Variants in EPN1 observed in about 807,000 individuals in gnomAD.
The protein encoded by EPN1 is epsin-1.
In EPN1, 25 loss-of-function variants were observed where a neutral mutation model predicts 56.9. The observed-to-expected ratio is 0.44, with a 90% confidence interval of 0.32 to 0.61. EPN1 has a LOEUF of 0.61. Among genes scored for constraint, EPN1 ranks in the 20% least tolerant of loss-of-function variants. The pLI is 0.05. For synonymous variants in EPN1, 411 were observed against 361.8 expected (o/e 1.14, Z -1.54); for missense variants, 785 against 823.7 (o/e 0.95, Z 0.58).
Position 55,685,471 on chromosome 19 carries a change from G to A in EPN1, c.304G>A (p.Ala102Thr), listed in dbSNP as rs1272985853. The change falls in exon 3 of 11, where the codon GCC becomes ACC. Residue 102 changes from alanine (A) to threonine (T), a missense_variant. By Grantham distance (58) the Ala-to-Thr change is moderately conservative. This residue lies in a region of EPN1 where 135 missense variants were observed against 218.7 expected (regional missense o/e 0.62). Transcript: ENST00000270460. Reference protein sequence around the residue: ...VSQQCKENMYAVQTLKDFQYV... With the variant: ...VSQQCKENMYTVQTLKDFQYV... ...GCAGCAGTGCAAGGAGAACATGTAC[G>A]CCGTGCAGACGCTGAAGGACTTCCA... 5.6e-6 allele frequency: 9 copies of A among 1,611,960 alleles called. No individual in the cohort carries two copies. Among genetic ancestry groups the A allele is most frequent in the Non-Finnish European group, 7.6e-6 (9 of 1,179,234 alleles).
chr19:55,695,057 A>T lies in EPN1; in HGVS notation c.1522+74A>T. The T allele has an allele frequency of 6.3e-7, 1 of 1,593,334 alleles. No individual in the cohort carries two copies. Among genetic ancestry groups the T allele is most frequent in the Non-Finnish European group, 8.5e-7 (1 of 1,169,732 alleles). On this transcript the variant is annotated intron_variant, in intron 10 of 10. Transcript: ENST00000270460. This position sits in a 1 kb window ranked among gnomAD's most constrained non-coding sequence, Gnocchi z 4.4. The stretch of plus-strand genomic sequence containing the variant: ...AGAGGAGGTGCCTCACGGGGCAGGG[A>T]CACTTCGCCCTTTGCCTGCACATGC...
At position 55,701,675 on chromosome 19, in the gene EPN1, G is replaced by A. The variant is rs1987148373; in HGVS notation, c.*6319G>A. ...TGGCTTGTTCCTGTAAAACGGTCTT[G>A]TCTGTGGTAAATACTAAGGTTTTTG... On this transcript the variant is annotated 3_prime_UTR_variant, in exon 11 of 11. Transcript: ENST00000270460. 1 of 152,078 alleles carries A rather than the reference G, an allele frequency of 6.6e-6. No individual in the cohort carries two copies. Among genetic ancestry groups the A allele is most frequent in the Non-Finnish European group, 1.5e-5 (1 of 68,042 alleles). 9.4% of individuals were successfully genotyped at this position (152,078 alleles called of 1,614,324 possible).
At position 55,694,666 on chromosome 19, in the gene EPN1, C is replaced by T; in HGVS notation, c.1265-60C>T. On this transcript the variant is annotated intron_variant, in intron 9 of 10. Transcript: ENST00000270460. The surrounding 1 kb of genome is among the most constrained non-coding windows in gnomAD (Gnocchi z 4.2). Reference sequence around the variant, plus strand: ...GCCCCCTATGATGGCCTATACTGCTCCCGGGTTGGAGCCTCACTGCTGTCT... The same window carrying T: ...GCCCCCTATGATGGCCTATACTGCTTCCGGGTTGGAGCCTCACTGCTGTCT... 9 of 1,507,304 alleles carry T rather than the reference C, an allele frequency of 6.0e-6. No individual in the cohort carries two copies. Among genetic ancestry groups the T allele is most frequent in the Non-Finnish European group, 8.0e-6 (9 of 1,131,246 alleles). The allele number at this position is 1,507,304 out of a possible 1,614,324, so 93.4% of individuals were successfully genotyped here.
At position 55,705,919 on chromosome 19, in the gene EPN1, A is replaced by T. The variant is rs1000880551; in HGVS notation, c.*10563A>T. The T allele has an allele frequency of 6.6e-6, 1 of 152,636 alleles. No individual in the cohort carries two copies. Among genetic ancestry groups the T allele is most frequent in the African/African-American group, 2.4e-5 (1 of 41,196 alleles). 9.5% of individuals were successfully genotyped at this position (152,636 alleles called of 1,614,324 possible). A position where few individuals can be genotyped will look rare whatever the true frequency, so the allele number is the denominator to read the frequency against. On this transcript the variant is annotated 3_prime_UTR_variant, in exon 11 of 11. Transcript: ENST00000270460. ...TTGCAGTGTGTGATCATAGCTCACC[A>T]TGGGATTCTTGATTTTCAGTGAGTA...
Position 55,691,864 on chromosome 19 carries a change from C to G in EPN1, c.873C>G (p.Pro291=). The G allele has an allele frequency of 6.2e-7, 1 of 1,603,006 alleles. No individual in the cohort carries two copies. Among genetic ancestry groups the G allele is most frequent in the Non-Finnish European group, 8.5e-7 (1 of 1,173,422 alleles). ...PMAAAVPTAA[P]TSDPWGGPPV... ...CTGCTGCCGTCCCCACGGCTGCCCC[C>G]ACCTCGGACCCCTGGGGCGGCCCCC... The change falls in exon 7 of 11, where the codon CCC becomes CCG. Residue 291 remains proline, a synonymous_variant. Transcript: ENST00000270460. The surrounding 1 kb of genome is among the most constrained non-coding windows in gnomAD (Gnocchi z 5.6).
Position 55,709,128 on chromosome 19 carries a change from C to T in EPN1, c.*13772C>T. ...CTCTACATTCTGATGTCTACCTCTC[C>T]TCTCCTCTTTATTCTTTCCTAGAAA... On this transcript the variant is annotated 3_prime_UTR_variant, in exon 11 of 11. Transcript: ENST00000270460. 1.1e-6 allele frequency: 1 copy of T among 916,042 alleles called. No individual in the cohort carries two copies. The highest frequency in any genetic ancestry group is 1.6e-6 in the Non-Finnish European group (1 of 629,236). The allele number at this position is 916,042 out of a possible 1,614,324, so 56.7% of individuals were successfully genotyped here. A position where few individuals can be genotyped will look rare whatever the true frequency, so the allele number is the denominator to read the frequency against.
chr19:55,687,051 C>T (rs1314171669), intron 3 of EPN1, among the ~76,000 whole-genome samples: 1 of 152,158 alleles, frequency 6.6e-6, no homozygotes, highest in Non-Finnish European at 1.5e-5. Flanking sequence ...CCGACACTCA[C>T]CAAGGTCTCC....
In EPN1 at chr19:55,695,243, C is replaced by T; in HGVS notation, c.1618C>T (p.Pro540Ser). 1 of 1,612,560 alleles carries T rather than the reference C, an allele frequency of 6.2e-7. No homozygotes were observed. Among genetic ancestry groups the T allele is most frequent in the South Asian group, 1.1e-5 (1 of 90,980 alleles). ...LNQLRLSPVP[P>S]VPGAPPTYIS... ...CCAGCTCCGTCTCAGTCCTGTGCCT[C>T]CCGTCCCTGGAGCGCCACCCACGTA... Residue 540 changes from proline to serine, a missense_variant, in exon 11 of 11, where the codon CCC becomes TCC. Pro to Ser is a moderately conservative substitution (Grantham distance 74, BLOSUM62 -1). This residue lies in a region of EPN1 where 650 missense variants were observed against 605.0 expected (regional missense o/e 1.07). Coordinates refer to ENST00000270460, the MANE Select transcript of EPN1 (RefSeq NM_001130072.2). This position sits in a 1 kb window ranked among gnomAD's most constrained non-coding sequence, Gnocchi z 4.4.
In EPN1 at chr19:55,695,407, C is replaced by T. The variant is rs1986862495; in HGVS notation, c.*51C>T. On this transcript the variant is annotated 3_prime_UTR_variant, in exon 11 of 11. Transcript: ENST00000270460. The surrounding 1 kb of genome is among the most constrained non-coding windows in gnomAD (Gnocchi z 4.4). ...CATCCGGCTGCCCCATTCCGGCTCC[C>T]TGGGAGATCAGTGTTGTGAGTGCAT... 1 of 1,020,756 alleles carries T rather than the reference C, an allele frequency of 9.8e-7. No homozygotes were observed. The highest frequency in any genetic ancestry group is 1.6e-5 in the African/African-American group (1 of 62,700). 63.2% of individuals were successfully genotyped at this position (1,020,756 alleles called of 1,614,324 possible).
At position 55,692,092 on chromosome 19, in the gene EPN1, G is replaced by A. The variant is rs1032392272; in HGVS notation, c.1066+35G>A. ...TGGCCCACTTGCATGCAGCCCCTACGCCTGTGTGCACCTGTCTTTGGTTGA... is the reference window on the plus strand; with the variant it reads ...TGGCCCACTTGCATGCAGCCCCTACACCTGTGTGCACCTGTCTTTGGTTGA... On this transcript the variant is annotated intron_variant, in intron 7 of 10. Coordinates refer to ENST00000270460, the MANE Select transcript of EPN1 (RefSeq NM_001130072.2). 70 of 1,403,692 alleles carry A rather than the reference G, an allele frequency of 5.0e-5. No homozygotes were observed. In the Middle Eastern group the frequency reaches 1.6e-3, roughly 31 times the overall value. The allele number at this position is 1,403,692 out of a possible 1,614,324, so 87.0% of individuals were successfully genotyped here.
chr19:55,703,297 G>A lies in EPN1; in HGVS notation c.*7941G>A. On this transcript the variant is annotated 3_prime_UTR_variant, in exon 11 of 11. Coordinates refer to ENST00000270460, the MANE Select transcript of EPN1 (RefSeq NM_001130072.2). ...TAGCTGCTGTGTGTGTGTGTGTTGT[G>A]TGTGGTTGGGACAGTCGGGGATTCT... 1 of 152,320 alleles carries A rather than the reference G, an allele frequency of 6.6e-6. No homozygotes were observed. Among genetic ancestry groups the A allele is most frequent in the Non-Finnish European group, 1.5e-5 (1 of 68,190 alleles). 9.4% of individuals were successfully genotyped at this position (152,320 alleles called of 1,614,324 possible).
Position 55,695,478 on chromosome 19 carries a change from GCC to G in EPN1, c.*124_*125del, listed in dbSNP as rs1986867013. ...CCCCAGTGCCCTTCCCCTTCCTGGG[GCC>G]CACTCACACTACACCCTCTTCCTTT... On this transcript the variant is annotated 3_prime_UTR_variant, in exon 11 of 11. Transcript: ENST00000270460. The surrounding 1 kb of genome is among the most constrained non-coding windows in gnomAD (Gnocchi z 4.4). 1 of 622,622 alleles carries G rather than the reference GCC, an allele frequency of 1.6e-6. No homozygotes were observed. Among genetic ancestry groups the G allele is most frequent in the Non-Finnish European group, 2.8e-6 (1 of 354,858 alleles). 38.6% of individuals were successfully genotyped at this position (622,622 alleles called of 1,614,324 possible).
At position 55,701,148 on chromosome 19, in the gene EPN1, G is replaced by C. The variant is rs552896264; in HGVS notation, c.*5792G>C. On this transcript the variant is annotated 3_prime_UTR_variant, in exon 11 of 11. Coordinates refer to ENST00000270460, the MANE Select transcript of EPN1 (RefSeq NM_001130072.2). ...CATGTCCTGACAGCCACATGAAAAG[G>C]GTTAGAAATGATACTGTTTCGCCTG... 2.6e-5 allele frequency: 4 copies of C among 152,158 alleles called. No homozygotes were observed. The highest frequency in any genetic ancestry group is 9.7e-5 in the African/African-American group (4 of 41,442). 9.4% of individuals were successfully genotyped at this position (152,158 alleles called of 1,614,324 possible).
At chr19:55,687,372 C>T (rs147802938) in intron 3 of EPN1, among the ~76,000 whole-genome samples, 2 of 152,156 alleles carry the variant, frequency 1.3e-5, no homozygotes, top group East Asian at 1.9e-4. Flanking sequence ...CGGGCAGCAC[C>T]GAGGCTGGGT....
chr19:55,681,340 G>A (rs940158095), intron 2 of EPN1, among the ~76,000 whole-genome samples: 2 of 152,216 alleles, frequency 1.3e-5, no homozygotes, highest in South Asian at 4.1e-4. Context: ...TGAGGGAACT[G>A]AGACATAAAG....
At chr19:55,676,552 C>T (rs960849443) in intron 1 of EPN1, 1 of 152,296 alleles carries the variant, frequency 6.6e-6, no homozygotes, top group African/African-American at 2.4e-5. Context: ...TATTGAGCGC[C>T]TACTATCTGT....
chr19:55,683,579 C>T (rs1462610606), intron 2 of EPN1, among the ~76,000 whole-genome samples: 1 of 152,216 alleles, frequency 6.6e-6, no homozygotes, highest in African/African-American at 2.4e-5. Flanking sequence ...TCTCGAACCC[C>T]TGACCTCGGG....
chr19:55,694,013 C>G lies in EPN1; in HGVS notation c.1265-713C>G, dbSNP rs1474949918. On this transcript the variant is annotated intron_variant, in intron 9 of 10. Transcript: ENST00000270460. This position sits in a 1 kb window ranked among gnomAD's most constrained non-coding sequence, Gnocchi z 4.2. ...GGTGGATCACCTGAGGTCGGGAGTT[C>G]AAGACCAGCCTGACCACCATGGCCA... 6.6e-6 allele frequency: 1 copy of G among 151,928 alleles called. No homozygotes were observed. The highest frequency in any genetic ancestry group is 1.5e-5 in the Non-Finnish European group (1 of 67,986). 9.4% of individuals were successfully genotyped at this position (151,928 alleles called of 1,614,324 possible). A position where few individuals can be genotyped will look rare whatever the true frequency, so the allele number is the denominator to read the frequency against.
At position 55,690,305 on chromosome 19, in the gene EPN1, C is replaced by T. The variant is rs543638150; in HGVS notation, c.762+355C>T. On this transcript the variant is annotated intron_variant, in intron 6 of 10. Coordinates refer to ENST00000270460, the MANE Select transcript of EPN1 (RefSeq NM_001130072.2). ...AGGGTGCAGGGCTCGCCCCATCTGT[C>T]ACACTTTGTCGGGCACCTCCTTGGT... 3.9e-5 allele frequency among the ~76,000 whole-genome samples: 6 copies of T among 152,392 alleles called. 1 individual carries two copies. In the South Asian group the frequency reaches 1.0e-3, roughly 26 times the overall value.
Sources: allele counts gnomAD v4.1 joint callset (sites outside exome capture counted in the v4.1 genomes callset), GRCh38; gene constraint gnomAD v4.1.1; regional missense constraint gnomAD v4.1.1; non-coding constraint Gnocchi (gnomAD v3.1); transcripts MANE v1.5; gene names NCBI Gene and HGNC (gene_info 2026-07-23, HGNC 2026-07-21).